GFRA2: variants seen among roughly 807,000 people sequenced by gnomAD.
GFRA2 encodes GDNF family receptor alpha-2.
GFRA2 carries 17 observed loss-of-function variants against 48.3 expected under a neutral mutation model. The observed-to-expected ratio is 0.35, with a 90% CI of 0.24 to 0.53. GFRA2 has a LOEUF of 0.53. Among genes scored for constraint, GFRA2 ranks in the 20% least tolerant of loss-of-function variants. GFRA2 has a pLI of 0.93. For missense variants in GFRA2, 660 were observed against 637.3 expected, an observed-to-expected ratio of 1.04 and a Z score of -0.38; for synonymous variants, 305 against 257.2, an observed-to-expected ratio of 1.19 and a Z score of -1.78.
intron 1 of GFRA2, among the ~76,000 whole-genome samples, chr8:21,784,808 G>A (rs925935662): frequency 1.3e-5 from 2 of 152,112 alleles, no homozygotes; most frequent in Admixed American, 6.5e-5. Flanking sequence ...TTTGAGGCCC[G>A]GCACTGGCTG....
At chr8:21,810,606 G>C (rs778452551) in intron 1 of GFRA2, among the ~76,000 whole-genome samples, 19 of 152,338 alleles carry the variant, frequency 1.2e-4, no homozygotes, top group Admixed American at 3.3e-4. Context: ...CCATCTCAGT[G>C]GCTGTGATGG....
chr8:21,771,625 C>A (rs1485034398), intron 3 of GFRA2, among the ~76,000 whole-genome samples: 2 of 152,168 alleles, frequency 1.3e-5, no homozygotes, highest in African/African-American at 2.4e-5. Context: ...TTTCCGAGAA[C>A]CCCAACAGAA....
intron 3 of GFRA2, among the ~76,000 whole-genome samples, chr8:21,755,889 T>A (rs898011242): frequency 1.3e-5 from 2 of 152,194 alleles, no homozygotes; most frequent in Non-Finnish European, 2.9e-5. Flanking sequence ...ACCAAACCAT[T>A]CTGCCCAGGA....
chr8:21,783,117 A>G, intron 1 of GFRA2: 1 of 692,320 alleles, frequency 1.4e-6, no homozygotes, highest in East Asian at 2.7e-5. Flanking sequence ...TTTGCACTCC[A>G]TTCCTCCTCA....
intron 1 of GFRA2, among the ~76,000 whole-genome samples, chr8:21,784,958 C>A (rs1807196348): frequency 6.6e-6 from 1 of 152,160 alleles, no homozygotes; most frequent in South Asian, 2.1e-4. Flanking sequence ...GTACCTGCGG[C>A]CCCCAGCCAG....
intron 7 of GFRA2, 79 bp from the exon 8 acceptor site, chr8:21,694,596 C>A (rs572189572): frequency 1.5e-6 from 2 of 1,327,678 alleles, no homozygotes; most frequent in South Asian, 1.3e-5. Context: ...TTAGATGAGG[C>A]CCCGCCATGC....
intron 2 of GFRA2, among the ~76,000 whole-genome samples, chr8:21,802,514 C>G (rs1807789604): frequency 6.6e-6 from 1 of 152,066 alleles, no homozygotes; most frequent in Non-Finnish European, 1.5e-5. Context: ...ACCACCATGT[C>G]CGGCTAATTT....
intron 2 of GFRA2, among the ~76,000 whole-genome samples, chr8:21,804,425 TAAAAAAAAAAAC>T (rs776223160): frequency 1.4e-4 from 17 of 124,966 alleles, no homozygotes; most frequent in East Asian, 2.9e-4. Flanking sequence ...ACTTCTCTGC[TAAAAAAAAAAAC>T]AAAAAAAAAA....
At chr8:21,759,244 G>A (rs1419105289) in intron 3 of GFRA2, among the ~76,000 whole-genome samples, 3 of 151,818 alleles carry the variant, frequency 2.0e-5, no homozygotes, top group Non-Finnish European at 2.9e-5. Flanking sequence ...AAATGAGTTG[G>A]GAGTGGTGGC....
chr8:21,758,787 A>G (rs1805719920), intron 3 of GFRA2, among the ~76,000 whole-genome samples: 1 of 151,942 alleles, frequency 6.6e-6, no homozygotes, highest in Non-Finnish European at 1.5e-5. Flanking sequence ...CTGCTGTCTC[A>G]CCTCATTCCT....
At chr8:21,717,257 G>C (rs1485585794) in intron 4 of GFRA2, among the ~76,000 whole-genome samples, 1 of 152,194 alleles carries the variant, frequency 6.6e-6, no homozygotes, top group African/African-American at 2.4e-5. Context: ...TATTTCTCCA[G>C]CTTAACTTGA....
chr8:21,700,425 C>A (rs1347276576), intron 7 of GFRA2, among the ~76,000 whole-genome samples: 3 of 152,184 alleles, frequency 2.0e-5, no homozygotes, highest in African/African-American at 7.2e-5. Flanking sequence ...GAGGGGGCTC[C>A]TGGCTCTACT....
chr8:21,692,427 T>G lies in GFRA2; in HGVS notation c.*851A>C, dbSNP rs1801920117. 6.6e-6 allele frequency: 1 copy of G among 151,844 alleles called. No individual in the cohort carries two copies. The highest frequency in any genetic ancestry group is 1.5e-5 in the Non-Finnish European group (1 of 67,976). 9.4% of individuals were successfully genotyped at this position (151,844 alleles called of 1,614,324 possible). On this transcript the variant is annotated 3_prime_UTR_variant, in exon 9 of 9. Coordinates refer to ENST00000524240, the MANE Select transcript of GFRA2 (RefSeq NM_001495.5). ...ACGGTGCTGCAGACACACACCCGGC[T>G]GTGGTCTCTCCCCTCCCTCTCCCCA...
intron 4 of GFRA2, among the ~76,000 whole-genome samples, chr8:21,720,670 G>C (rs1318516428): frequency 1.3e-5 from 2 of 152,134 alleles, no homozygotes; most frequent in African/African-American, 4.8e-5. Context: ...CCTTGGTCCT[G>C]TGTTGCTTCC....
Position 21,693,295 on chromosome 8 carries a change from G to C in GFRA2, c.1378C>G (p.Leu460Val), listed in dbSNP as rs899301451. The change falls in exon 9 of 9, where the codon CTG (leucine) becomes GTG (valine). Residue 460 changes from leucine to valine, a missense_variant. Leu to Val is a conservative substitution (Grantham distance 32). Coordinates refer to ENST00000524240, the MANE Select transcript of GFRA2 (RefSeq NM_001495.5). Reference protein sequence around the residue: ...AALTVLSVLMLKLAL With the variant: ...AALTVLSVLMVKLAL ...CCCACAGCCTACAAGGCCAGTTTCAGCATCAGGACAGACAGCACGGTCAAG... is the reference window on the plus strand; with the variant it reads ...CCCACAGCCTACAAGGCCAGTTTCACCATCAGGACAGACAGCACGGTCAAG... 3 of 1,612,448 alleles carry C rather than the reference G, an allele frequency of 1.9e-6. No individual in the cohort carries two copies. The African/African-American group carries it at 4.0e-5, about 22-fold the overall frequency.
At chr8:21,758,687 C>G (rs1255500298) in intron 3 of GFRA2, among the ~76,000 whole-genome samples, 4 of 152,158 alleles carry the variant, frequency 2.6e-5, no homozygotes, top group African/African-American at 9.7e-5. Context: ...GGGTTTTGAA[C>G]TGCCTAATCC....
intron 4 of GFRA2, among the ~76,000 whole-genome samples, chr8:21,735,930 G>A (rs1462086305): frequency 1.3e-5 from 2 of 152,164 alleles, no homozygotes; most frequent in African/African-American, 4.8e-5. Context: ...TTGGATTCCA[G>A]GTGTAAGCTA....
chr8:21,704,749 T>C (rs1754181331), intron 6 of GFRA2, among the ~76,000 whole-genome samples: 1 of 152,100 alleles, frequency 6.6e-6, no homozygotes, highest in African/African-American at 2.4e-5. Context: ...CCAGACCAAA[T>C]AACAGGCTTG....
At chr8:21,790,175 C>G, upstream of GFRA2, 3 of 847,730 alleles carry the variant, frequency 3.5e-6, no homozygotes, top group Non-Finnish European at 4.3e-6. Context: ...GGTCACGTTC[C>G]GGCGAGAGCG....
Sources: allele counts gnomAD v4.1 joint callset (sites outside exome capture counted in the v4.1 genomes callset), GRCh38; gene constraint gnomAD v4.1.1; transcripts MANE v1.5; gene names NCBI Gene and HGNC (gene_info 2026-07-23, HGNC 2026-07-21).